Variants in LYPLA1 observed in about 807,000 individuals in gnomAD.
LYPLA1 encodes the protein acyl-protein thioesterase 1.
In LYPLA1, 17 loss-of-function variants were observed where a neutral mutation model predicts 34.0. The observed-to-expected ratio is 0.50, with a 90% CI of 0.34 to 0.75. LYPLA1 has a LOEUF of 0.75. Ranked by LOEUF, LYPLA1 falls within the 30% of genes least tolerant of loss-of-function variation. The pLI, the probability that LYPLA1 is intolerant of heterozygous loss-of-function variation, is 0.01. For missense variants in LYPLA1, 203 were observed against 288.8 expected, an observed-to-expected ratio of 0.70 and a Z score of 2.15; for synonymous variants, 98 against 100.8, an observed-to-expected ratio of 0.97 and a Z score of 0.17.
At chr8:54,055,390 C>T (rs1282232648) in intron 5 of LYPLA1, among the ~76,000 whole-genome samples, 1 of 151,892 alleles carries the variant, frequency 6.6e-6, no homozygotes, top group Non-Finnish European at 1.5e-5. Flanking sequence ...AGGAATTAAA[C>T]AAAGAAGTGA....
chr8:54,069,109 G>A (rs1807284587), intron 2 of LYPLA1, among the ~76,000 whole-genome samples: 1 of 152,134 alleles, frequency 6.6e-6, no homozygotes, highest in East Asian at 1.9e-4. Context: ...AAGCCCCAAT[G>A]ATACATCACT....
chr8:54,089,318 TGAGA>T (rs1809033765), intron 2 of LYPLA1, among the ~76,000 whole-genome samples: 1 of 150,616 alleles, frequency 6.6e-6, no homozygotes, highest in Non-Finnish European at 1.5e-5. Flanking sequence ...GAATATATTT[TGAGA>T]GAGAGATCAC....
At chr8:54,087,635 G>T (rs1808905211) in intron 2 of LYPLA1, among the ~76,000 whole-genome samples, 1 of 152,230 alleles carries the variant, frequency 6.6e-6, no homozygotes, top group African/African-American at 2.4e-5. Context: ...GGAGTCTAGT[G>T]TCCAGACAAT....
chr8:54,075,623 C>T (rs1807838581), intron 2 of LYPLA1, among the ~76,000 whole-genome samples: 1 of 152,196 alleles, frequency 6.6e-6, no homozygotes, highest in African/African-American at 2.4e-5. Flanking sequence ...GTTATCACCA[C>T]TGCCTTGAGT....
rs767486966 is a variant in LYPLA1, at chr8:54,101,845, C to A, written c.-22G>T. 3.6e-5 allele frequency: 45 copies of A among 1,246,996 alleles called. No individual in the cohort carries two copies. Among genetic ancestry groups the A allele is most frequent in the African/African-American group, 1.4e-4 (9 of 64,394 alleles). 77.2% of individuals were successfully genotyped at this position (1,246,996 alleles called of 1,614,324 possible). A position where few individuals can be genotyped will look rare whatever the true frequency, so the allele number is the denominator to read the frequency against. ...ACATACACCGCCTCAGCTCACAGCG[C>A]AAGCGGAAGGAAGAGCGGGCGCCCG... On this transcript the variant is annotated 5_prime_UTR_variant, in exon 1 of 9. Coordinates refer to ENST00000316963, the MANE Select transcript of LYPLA1 (RefSeq NM_006330.4).
chr8:54,046,437 T>C lies in LYPLA1; in HGVS notation c.*1628A>G, dbSNP rs1174068143. The stretch of plus-strand genomic sequence containing the variant: ...CATGAAAAACATTTACACTTTCCCA[T>C]GTTACAGCACAATATTTCAATGGAA... On this transcript the variant is annotated 3_prime_UTR_variant, in exon 9 of 9. Transcript: ENST00000316963. 2 of 152,662 alleles carry C rather than the reference T, an allele frequency of 1.3e-5. No individual in the cohort carries two copies. Among genetic ancestry groups the C allele is most frequent in the African/African-American group, 2.4e-5 (1 of 41,462 alleles). 9.5% of individuals were successfully genotyped at this position (152,662 alleles called of 1,614,324 possible).
intron 8 of LYPLA1, among the ~76,000 whole-genome samples, chr8:54,048,604 T>C (rs923318392): frequency 6.6e-6 from 1 of 152,192 alleles, no homozygotes; most frequent in African/African-American, 2.4e-5. Flanking sequence ...TGGGAAGATA[T>C]GAACATTAAT....
At chr8:54,080,807 CA>C (rs1395496331) in intron 2 of LYPLA1, among the ~76,000 whole-genome samples, 26 of 152,204 alleles carry the variant, frequency 1.7e-4, no homozygotes, top group African/African-American at 5.3e-4. Flanking sequence ...AGACTGGTCT[CA>C]AACTCCTGAC....
At position 54,065,694 on chromosome 8, in the gene LYPLA1, C is replaced by T; in HGVS notation, c.167+54G>A. 5 of 1,363,150 alleles carry T rather than the reference C, an allele frequency of 3.7e-6. No individual in the cohort carries two copies. The South Asian group carries it at 5.9e-5, about 16-fold the overall frequency. The allele number at this position is 1,363,150 out of a possible 1,614,324, so 84.4% of individuals were successfully genotyped here. On this transcript the variant is annotated intron_variant, in intron 3 of 8. Coordinates refer to ENST00000316963, the MANE Select transcript of LYPLA1 (RefSeq NM_006330.4). ...CTTTTCTGGAAGGGTAAAGCAATCA[C>T]AATTGCTCCTCTCCAGACTCTGAAT...
intron 4 of LYPLA1, among the ~76,000 whole-genome samples, 165 bp from the exon 5 acceptor site, chr8:54,062,489 C>T (rs1449782468): frequency 7.4e-5 from 11 of 149,010 alleles, no homozygotes; most frequent in African/African-American, 1.5e-4. Context: ...CGAAGTCTCA[C>T]TATTTATTTA....
chr8:54,064,680 G>A, intron 3 of LYPLA1, among the ~76,000 whole-genome samples: 1 of 152,076 alleles, frequency 6.6e-6, no homozygotes, highest in East Asian at 1.9e-4. Flanking sequence ...ACATGAGTAT[G>A]TCCAATCCCT....
chr8:54,070,369 T>C (rs1265308738), intron 2 of LYPLA1, among the ~76,000 whole-genome samples: 1 of 152,144 alleles, frequency 6.6e-6, no homozygotes, highest in Non-Finnish European at 1.5e-5. Flanking sequence ...TGTTCTTTTT[T>C]AGCAGTATTA....
chr8:54,053,797 C>A, intron 6 of LYPLA1: 1 of 449,704 alleles, frequency 2.2e-6, no homozygotes, highest in South Asian at 1.6e-5. Context: ...GAGCAAGGCC[C>A]AACTGCTTTT....
At chr8:54,062,596 C>G (rs1048403352) in intron 4 of LYPLA1, among the ~76,000 whole-genome samples, 1 of 152,050 alleles carries the variant, frequency 6.6e-6, no homozygotes, top group African/African-American at 2.4e-5. Context: ...ACTGCAGCCT[C>G]CCCCTCCCAG....
intron 2 of LYPLA1, among the ~76,000 whole-genome samples, chr8:54,088,403 C>T (rs578140571): frequency 1.6e-4 from 25 of 152,242 alleles, no homozygotes; most frequent in African/African-American, 5.5e-4. Context: ...AATCACAATG[C>T]GACACCACTT....
intron 1 of LYPLA1, among the ~76,000 whole-genome samples, chr8:54,101,182 T>A (rs533906797): frequency 1.3e-5 from 2 of 151,764 alleles, no homozygotes; most frequent in East Asian, 3.9e-4. Flanking sequence ...CAGTTAGACA[T>A]TGAGTGCAAA....
chr8:54,051,123 C>T lies in LYPLA1; in HGVS notation c.528G>A (p.Leu176=), dbSNP rs766406741. 2 of 1,613,918 alleles carry T rather than the reference C, an allele frequency of 1.2e-6. No individual in the cohort carries two copies. The highest frequency in any genetic ancestry group is 1.7e-6 in the Non-Finnish European group (2 of 1,179,916). The part of the protein sequence containing the change: ...ILQCHGDCDP[L]VPLMFGSLTV... ...TAAGAGAACCAAACATCAGGGGAAC[C>T]AAAGGGTCACAATCCCCGTGGCACT... Residue 176 remains leucine, a synonymous_variant, in exon 8 of 9, where the codon TTG becomes TTA. Transcript: ENST00000316963.
At chr8:54,085,197 G>C (rs531056422) in intron 2 of LYPLA1, among the ~76,000 whole-genome samples, 4 of 152,214 alleles carry the variant, frequency 2.6e-5, no homozygotes, top group Admixed American at 1.3e-4. Context: ...CGTGTTGGCC[G>C]GGCTGGTCTC....
chr8:54,057,809 A>G (rs571242048), intron 5 of LYPLA1, among the ~76,000 whole-genome samples: 1 of 152,338 alleles, frequency 6.6e-6, no homozygotes, highest in East Asian at 1.9e-4. Flanking sequence ...AAGAGTGTAA[A>G]TGGATTCTTT....
Sources: gnomAD v4.1 joint callset for allele counts (sites outside exome capture counted in the v4.1 genomes callset) on GRCh38, gnomAD v4.1.1 for gene constraint, MANE v1.5 for transcripts, NCBI Gene and HGNC (gene_info 2026-07-23, HGNC 2026-07-21) for gene names.